Variants in USP34 observed in about 807,000 individuals in gnomAD.
USP34 encodes ubiquitin carboxyl-terminal hydrolase 34.
In USP34, 70 loss-of-function variants were observed where a neutral mutation model predicts 460.3. The ratio of observed to expected loss-of-function variants is 0.15; its 90% CI spans 0.13 to 0.19. The LOEUF is 0.19. Ranked by LOEUF, USP34 falls within the 10% of genes least tolerant of loss-of-function variation. The pLI is 1.00. For synonymous variants in USP34, 1,647 were observed against 1,405.3 expected, an observed-to-expected ratio of 1.17 and a Z score of -3.85; for missense variants, 3,985 against 4,236.2, an observed-to-expected ratio of 0.94 and a Z score of 1.65.
intron 8 of USP34, among the ~76,000 whole-genome samples, chr2:61,374,850 T>C (rs960936442): frequency 6.8e-4 from 103 of 152,322 alleles, no homozygotes; most frequent in African/African-American, 2.2e-3. Context: ...ATTACAGGCA[T>C]GAGCCACTGC....
intron 14 of USP34, 94 bp downstream of exon 14, chr2:61,348,662 C>A: frequency 6.8e-7 from 1 of 1,479,064 alleles, no homozygotes; most frequent in Admixed American, 2.6e-5. Flanking sequence ...GAGGACAAGC[C>A]CAAACATGAA....
chr2:61,259,919 T>C (rs1656583389), intron 43 of USP34, 143 bp from the exon 44 acceptor site: 1 of 625,874 alleles, frequency 1.6e-6, no homozygotes, highest in African/African-American at 1.8e-5. Flanking sequence ...ACACATTCAA[T>C]TCTTTAGTAA....
chr2:61,350,191 G>A, intron 12 of USP34, 69 bp downstream of exon 12: 2 of 1,470,406 alleles, frequency 1.4e-6, no homozygotes, highest in Non-Finnish European at 1.8e-6. Flanking sequence ...GAATGTATTA[G>A]CAGAAAATAT....
chr2:61,397,053 T>A (rs1001812820), intron 3 of USP34, among the ~76,000 whole-genome samples: 1 of 152,218 alleles, frequency 6.6e-6, no homozygotes, highest in Non-Finnish European at 1.5e-5. Flanking sequence ...ATTTTTACGT[T>A]TGGAAATATC....
intron 5 of USP34, among the ~76,000 whole-genome samples, chr2:61,384,275 A>G (rs112772512): frequency 0.013 from 2,055 of 152,340 alleles, 42 homozygotes; most frequent in African/African-American, 0.047. Flanking sequence ...AATACATTAT[A>G]TAACAGTTTT....
At chr2:61,430,921 T>C (rs1453206871) in intron 1 of USP34, among the ~76,000 whole-genome samples, 1 of 152,088 alleles carries the variant, frequency 6.6e-6, no homozygotes, top group Non-Finnish European at 1.5e-5. Flanking sequence ...AGAGGATCAC[T>C]TGAGCCTGGG....
chr2:61,241,602 A>T lies in USP34; in HGVS notation c.6735T>A (p.Asn2245Lys). Residue 2245 changes from asparagine to lysine, a missense_variant, in exon 53 of 80, where the codon AAT becomes AAA. By Grantham distance (94) the Asn-to-Lys change is moderately conservative. Transcript: ENST00000398571. Reference protein sequence around the residue: ...FYKRMEPEEENGREYKFDVSS... With the variant: ...FYKRMEPEEEKGREYKFDVSS... ...AAACATCAAATTTGTATTCTCTGCC[A>T]TTTTCTTCCTCTGGTTCCATGCGTT... 1 of 1,610,648 alleles carries T rather than the reference A, an allele frequency of 6.2e-7. No homozygotes were observed. The highest frequency in any genetic ancestry group is 8.5e-7 in the Non-Finnish European group (1 of 1,179,088).
At chr2:61,317,336 GA>G (rs1690780263) in intron 23 of USP34, among the ~76,000 whole-genome samples, 1 of 152,112 alleles carries the variant, frequency 6.6e-6, no homozygotes, top group Non-Finnish European at 1.5e-5. Context: ...AGACCAGCCT[GA>G]GTAACATGGT....
chr2:61,263,433 G>A (rs1688955689), intron 43 of USP34, among the ~76,000 whole-genome samples: 1 of 151,320 alleles, frequency 6.6e-6, no homozygotes, highest in African/African-American at 2.4e-5. Flanking sequence ...CGCCCGCCTC[G>A]GCCTTCCAAA....
At chr2:61,437,878 G>T (rs185842082) in intron 1 of USP34, among the ~76,000 whole-genome samples, 2 of 151,730 alleles carry the variant, frequency 1.3e-5, no homozygotes, top group African/African-American at 2.4e-5. Flanking sequence ...GTCTCCCAAG[G>T]AAAGTGCAGG....
At position 61,470,796 on chromosome 2, in the gene USP34, C is replaced by T. The variant is rs1695937204; in HGVS notation, c.-104G>A. 3.4e-6 allele frequency: 2 copies of T among 590,098 alleles called. No individual in the cohort carries two copies. The highest frequency in any genetic ancestry group is 3.5e-5 in the Admixed American group (1 of 28,504). The allele number at this position is 590,098 out of a possible 1,614,324, so 36.6% of individuals were successfully genotyped here. On this transcript the variant is annotated 5_prime_UTR_variant, in exon 1 of 80. Transcript: ENST00000398571. ...GCGGAGGAGGGGGCCGGCCGGCCGGCGGGGCGGGGAGGCGACTAGGGCGGG... is the reference window on the plus strand; with the variant it reads ...GCGGAGGAGGGGGCCGGCCGGCCGGTGGGGCGGGGAGGCGACTAGGGCGGG...
At chr2:61,244,619 CAAAAA>C (rs61343219) in intron 51 of USP34, among the ~76,000 whole-genome samples, 3 of 122,780 alleles carry the variant, frequency 2.4e-5, no homozygotes, top group Admixed American at 7.8e-5. Context: ...GACTTGGGGG[CAAAAA>C]AAAAAAAAAA....
At chr2:61,268,989 T>C (rs1258595516) in intron 41 of USP34, among the ~76,000 whole-genome samples, 1 of 143,046 alleles carries the variant, frequency 7.0e-6, no homozygotes, top group Non-Finnish European at 1.5e-5. Context: ...TAAGACAATA[T>C]CATGTACACA....
In USP34 at chr2:61,285,578, G is replaced by A. The variant is rs942315255; in HGVS notation, c.4750-621C>T. ...AGGGGCAAAAATAGTCTTTACATTC[G>A]ATTCATAGATTCTCTGCATACCACT... On this transcript the variant is annotated intron_variant, in intron 34 of 79. Transcript: ENST00000398571. Among the ~76,000 whole-genome samples, 36 of 151,658 alleles carry A rather than the reference G, an allele frequency of 2.4e-4. 1 individual carries two copies. The highest frequency in any genetic ancestry group is 2.1e-3 in the Admixed American group (32 of 15,210).
At chr2:61,329,370 G>C (rs555601677) in intron 20 of USP34, among the ~76,000 whole-genome samples, 1 of 152,200 alleles carries the variant, frequency 6.6e-6, no homozygotes, top group East Asian at 1.9e-4. Context: ...TTGGATTCAA[G>C]AGGCCACCAT....
chr2:61,395,127 G>C, intron 4 of USP34, 56 bp downstream of exon 4: 1 of 1,452,968 alleles, frequency 6.9e-7, no homozygotes, highest in South Asian at 1.3e-5. Context: ...ATATGGATGA[G>C]GCTTTGTTAA....
At chr2:61,366,359 T>G (rs200307159) in intron 10 of USP34, among the ~76,000 whole-genome samples, 8 of 152,018 alleles carry the variant, frequency 5.3e-5, no homozygotes, top group African/African-American at 1.9e-4. Flanking sequence ...AATAAGAGAT[T>G]TGATGGACAG....
chr2:61,470,719 C>T lies in USP34; in HGVS notation c.-27G>A, dbSNP rs752304686. On this transcript the variant is annotated 5_prime_UTR_variant, in exon 1 of 80. Transcript: ENST00000398571. The stretch of plus-strand genomic sequence containing the variant: ...GTTCGGCCGCCGCCCCCCCCCTCCC[C>T]CGCTTCGGATCACACTGACTGATCC... 1 of 1,587,274 alleles carries T rather than the reference C, an allele frequency of 6.3e-7. No homozygotes were observed. The highest frequency in any genetic ancestry group is 1.1e-5 in the South Asian group (1 of 89,204).
chr2:61,257,432 C>T, intron 44 of USP34, 82 bp from the exon 45 acceptor site: 3 of 1,160,376 alleles, frequency 2.6e-6, no homozygotes, highest in Non-Finnish European at 3.5e-6. Flanking sequence ...ATAACAAAAA[C>T]AAAAGAACAG....
Sources: allele counts gnomAD v4.1 joint callset (sites outside exome capture counted in the v4.1 genomes callset), GRCh38; gene constraint gnomAD v4.1.1; transcripts MANE v1.5; gene names NCBI Gene and HGNC (gene_info 2026-07-23, HGNC 2026-07-21).